Variants in CNBD1 observed in about 807,000 individuals in gnomAD.
CNBD1 encodes the protein cyclic nucleotide-binding domain-containing protein 1.
A neutral mutation model predicts 54.4 loss-of-function variants in CNBD1; 71 were observed. The ratio of observed to expected loss-of-function variants is 1.30; its 90% confidence interval spans 1.08 to 1.59. The LOEUF (loss-of-function observed/expected upper bound fraction) is 1.59, where lower values mean the gene tolerates loss of function less well. Among genes scored for constraint, CNBD1 ranks in the 40% most tolerant of loss-of-function variants. The pLI is 0.00. For synonymous variants in CNBD1, 182 were observed against 170.7 expected (o/e 1.07, Z -0.51); for missense variants, 659 against 518.0 (o/e 1.27, Z -2.64).
intron 8 of CNBD1, among the ~76,000 whole-genome samples, chr8:87,291,928 G>A (rs764729303): frequency 7.2e-5 from 11 of 152,154 alleles, no homozygotes; most frequent in Non-Finnish European, 1.2e-4. Flanking sequence ...GCAAGCCCTT[G>A]AAAATATTGT....
intron 4 of CNBD1, among the ~76,000 whole-genome samples, chr8:87,141,654 G>A (rs1011311743): frequency 1.3e-4 from 19 of 151,896 alleles, no homozygotes; most frequent in African/African-American, 4.6e-4. Flanking sequence ...TAACTCCAAA[G>A]GGTGAAGATA....
Position 86,921,742 on chromosome 8 carries a change from G to A in CNBD1, c.272+16548G>A, listed in dbSNP as rs549056415. On this transcript the variant is annotated intron_variant, in intron 3 of 10. Transcript: ENST00000518476. ...CACCAGGTCTCTCCTACAACACATG[G>A]GAATTATGGGAACTACAATTCAAGA... Among the ~76,000 whole-genome samples, 148 of 152,214 alleles carry A rather than the reference G, an allele frequency of 9.7e-4. 1 individual carries two copies. The Middle Eastern group carries it at 0.01, about 10-fold the overall frequency.
chr8:87,327,028 C>G (rs1455773364), intron 8 of CNBD1, among the ~76,000 whole-genome samples: 32 of 149,820 alleles, frequency 2.1e-4, no homozygotes, highest in East Asian at 9.8e-4. Flanking sequence ...TAACAGACAG[C>G]ACCCTCAGCT....
intron 2 of CNBD1, among the ~76,000 whole-genome samples, chr8:87,422,923 GTT>G (rs1563596544): frequency 6.6e-6 from 1 of 151,202 alleles, no homozygotes; most frequent in East Asian, 1.9e-4. Context: ...ATGTTCTTCC[GTT>G]TGTTTGTATC....
At chr8:87,320,571 A>G (rs1020773067) in intron 8 of CNBD1, among the ~76,000 whole-genome samples, 3 of 147,894 alleles carry the variant, frequency 2.0e-5, no homozygotes, top group Non-Finnish European at 4.5e-5. Context: ...ATGTAATTTA[A>G]TGGTCTTATT....
At chr8:86,951,581 C>CAAAAAAA (rs71275901) in intron 4 of CNBD1, among the ~76,000 whole-genome samples, 2,128 of 37,350 alleles carry the variant, frequency 0.057, 664 homozygotes, top group East Asian at 0.098. Context: ...CTCCGTCTCA[C>CAAAAAAA]AAAAAAAAAA....
chr8:87,322,922 G>T lies in CNBD1; in HGVS notation c.1043-28763G>T, dbSNP rs1039636694. ...GGTAATGCCTAGGTTTTCTTCTAGG[G>T]TTTTTATGGTTTTAGGTCTAACGTT... On this transcript the variant is annotated intron_variant, in intron 8 of 10. Coordinates refer to ENST00000518476, the MANE Select transcript of CNBD1 (RefSeq NM_173538.3). Among the ~76,000 whole-genome samples the T allele has an allele frequency of 5.8e-4, 64 of 111,224 alleles. 5 individuals are homozygous for T. The highest frequency in any genetic ancestry group is 1.7e-3 in the African/African-American group (48 of 28,670). 73.0% of individuals were successfully genotyped at this position (111,224 alleles called of 152,430 possible).
At chr8:87,370,661 C>T (rs1228316070) in intron 10 of CNBD1, among the ~76,000 whole-genome samples, 2 of 151,376 alleles carry the variant, frequency 1.3e-5, no homozygotes, top group African/African-American at 4.9e-5. Flanking sequence ...CAAAAATTTT[C>T]TCCCATTTTG....
chr8:87,364,701 G>A (rs1463134091), intron 10 of CNBD1, among the ~76,000 whole-genome samples: 2 of 151,676 alleles, frequency 1.3e-5, no homozygotes, highest in Non-Finnish European at 2.9e-5. Context: ...GCATTCATGT[G>A]TTCTCATCAT....
intron 4 of CNBD1, among the ~76,000 whole-genome samples, chr8:86,999,985 A>AT (rs1030153589): frequency 2.6e-5 from 4 of 151,918 alleles, no homozygotes; most frequent in Admixed American, 6.6e-5. Flanking sequence ...ATTATTTTTT[A>AT]TTTTTTTTCC....
chr8:87,332,294 G>A (rs972700307), intron 8 of CNBD1, among the ~76,000 whole-genome samples: 7 of 151,268 alleles, frequency 4.6e-5, no homozygotes, highest in Admixed American at 1.3e-4. Context: ...GTTGCAGTGA[G>A]CTGAAATTGT....
chr8:87,062,181 T>C (rs1282634116), intron 4 of CNBD1, among the ~76,000 whole-genome samples: 1 of 152,174 alleles, frequency 6.6e-6, no homozygotes, highest in Non-Finnish European at 1.5e-5. Context: ...TCTATGTAGG[T>C]TTATATTTTA....
chr8:86,872,190 C>T (rs919812983), intron 1 of CNBD1, among the ~76,000 whole-genome samples: 1 of 152,112 alleles, frequency 6.6e-6, no homozygotes, highest in African/African-American at 2.4e-5. Flanking sequence ...CTTAATTACA[C>T]CATCATAATC....
chr8:87,307,765 T>TATATAA, intron 8 of CNBD1, among the ~76,000 whole-genome samples: 1 of 149,092 alleles, frequency 6.7e-6, no homozygotes, highest in Non-Finnish European at 1.5e-5. Context: ...TATATATATA[T>TATATAA]AACTTAGCAA....
intron 10 of CNBD1, among the ~76,000 whole-genome samples, chr8:87,369,913 T>C (rs1810734119): frequency 6.6e-6 from 1 of 152,026 alleles, no homozygotes; most frequent in Non-Finnish European, 1.5e-5. Flanking sequence ...GAGTGTGATG[T>C]TCCCCTTCCT....
chr8:87,131,527 T>G (rs960558810), intron 4 of CNBD1, among the ~76,000 whole-genome samples: 4 of 152,074 alleles, frequency 2.6e-5, no homozygotes, highest in Non-Finnish European at 5.9e-5. Flanking sequence ...ATTTACATGT[T>G]TTTACTTTTC....
intron 4 of CNBD1, among the ~76,000 whole-genome samples, chr8:87,077,395 CTCTTCT>C (rs1349567501): frequency 3.4e-5 from 5 of 147,162 alleles, no homozygotes; most frequent in Non-Finnish European, 7.4e-5. Context: ...GCTCTTAGGC[CTCTTCT>C]TCTTCTTCTT....
At chr8:87,034,900 T>C (rs1014069083) in intron 4 of CNBD1, among the ~76,000 whole-genome samples, 3 of 152,178 alleles carry the variant, frequency 2.0e-5, no homozygotes, top group Non-Finnish European at 4.4e-5. Context: ...AATTCAGATA[T>C]GTACAATTTA....
chr8:87,018,416 G>A (rs1296377441), intron 4 of CNBD1, among the ~76,000 whole-genome samples: 1 of 151,940 alleles, frequency 6.6e-6, no homozygotes, highest in Non-Finnish European at 1.5e-5. Flanking sequence ...TGTTTCAAAG[G>A]CAAAGCATAA....
Sources: gnomAD v4.1 joint callset for allele counts (sites outside exome capture counted in the v4.1 genomes callset) on GRCh38, gnomAD v4.1.1 for gene constraint, MANE v1.5 for transcripts, NCBI Gene and HGNC (gene_info 2026-07-23, HGNC 2026-07-21) for gene names.